The following MRTFA variants were observed in gnomAD, a reference collection of about 807,000 sequenced individuals.
MRTFA encodes the protein myocardin related transcription factor A, also known as myocardin-related transcription factor A.
A neutral mutation model predicts 83.5 loss-of-function variants in MRTFA; 20 were observed. That is an observed-to-expected ratio of 0.24 (90% CI 0.17 to 0.35). The LOEUF (loss-of-function observed/expected upper bound fraction) is 0.35, where lower values mean the gene tolerates loss of function less well. MRTFA is among the 10% of genes least tolerant of loss of function. The pLI is 1.00. For missense variants in MRTFA, 1,200 were observed against 1,224.7 expected, an observed-to-expected ratio of 0.98 and a Z score of 0.30; for synonymous variants, 659 against 541.2, an observed-to-expected ratio of 1.22 and a Z score of -3.02.
chr22:40,570,516 T>G (rs1725285411), intron 2 of MRTFA, among the ~76,000 whole-genome samples: 2 of 134,674 alleles, frequency 1.5e-5, no homozygotes, highest in Admixed American at 8.9e-5. Context: ...AGGTGGAGCT[T>G]GCAGTGAGCT....
intron 5 of MRTFA, 21 bp downstream of exon 5, chr22:40,435,478 G>A: frequency 6.2e-7 from 1 of 1,613,288 alleles, no homozygotes; most frequent in Non-Finnish European, 8.5e-7. Flanking sequence ...GGAGTTCTGA[G>A]GGGGAAAAAA....
intron 14 of MRTFA, chr22:40,412,168 G>GTTA (rs1234062249): frequency 7.2e-5 from 23 of 321,466 alleles, no homozygotes; most frequent in African/African-American, 4.7e-4. Flanking sequence ...CTCAAGAATA[G>GTTA]GTAAAAGAAA....
chr22:40,460,859 A>C (rs558417178), intron 4 of MRTFA, among the ~76,000 whole-genome samples: 4 of 152,196 alleles, frequency 2.6e-5, no homozygotes, highest in Non-Finnish European at 5.9e-5. Context: ...AGTAAACAAA[A>C]AGATTAATTT....
intron 3 of MRTFA, among the ~76,000 whole-genome samples, chr22:40,548,300 C>G (rs970020248): frequency 7.5e-6 from 1 of 132,954 alleles, no homozygotes; most frequent in African/African-American, 2.9e-5. Context: ...CAGAGCTTGC[C>G]GTGAGCCGAG....
chr22:40,527,743 A>G (rs369974958), intron 3 of MRTFA, among the ~76,000 whole-genome samples: 8 of 149,720 alleles, frequency 5.3e-5, no homozygotes, highest in Non-Finnish European at 1.0e-4. Flanking sequence ...TGGGTGACAG[A>G]GCAAGACTCC....
chr22:40,636,173 A>AG (rs2056696093), intron 1 of MRTFA, among the ~76,000 whole-genome samples: 1 of 152,174 alleles, frequency 6.6e-6, no homozygotes, highest in Non-Finnish European at 1.5e-5. Context: ...GGGAGAAGCG[A>AG]GGGCGAGGAC....
intron 4 of MRTFA, among the ~76,000 whole-genome samples, chr22:40,453,013 T>G (rs1191504239): frequency 6.6e-6 from 1 of 151,934 alleles, no homozygotes; most frequent in Non-Finnish European, 1.5e-5. Flanking sequence ...AGAAACACAC[T>G]CTACAACAGC....
chr22:40,534,612 G>T (rs573943277), intron 3 of MRTFA, among the ~76,000 whole-genome samples: 1 of 152,132 alleles, frequency 6.6e-6, no homozygotes, highest in Non-Finnish European at 1.5e-5. Flanking sequence ...AGGCTCAAGC[G>T]ATCTGCCCAC....
At chr22:40,548,977 A>C (rs747213277) in intron 3 of MRTFA, among the ~76,000 whole-genome samples, 6 of 152,190 alleles carry the variant, frequency 3.9e-5, no homozygotes, top group Admixed American at 6.5e-5. Flanking sequence ...TAAGACATTA[A>C]AGAAAACCTA....
intron 1 of MRTFA, among the ~76,000 whole-genome samples, chr22:40,596,231 A>C (rs73169058): frequency 0.1 from 15,410 of 152,190 alleles, 925 homozygotes; most frequent in East Asian, 0.25. Context: ...TATTTAAGAT[A>C]CAACTGAGGC....
chr22:40,511,453 G>A (rs1302576897), intron 3 of MRTFA, among the ~76,000 whole-genome samples: 2 of 152,164 alleles, frequency 1.3e-5, no homozygotes, highest in Non-Finnish European at 1.5e-5. Context: ...CTAGAACTCA[G>A]TAAACAGGTC....
At chr22:40,540,323 T>C (rs1318806589) in intron 3 of MRTFA, among the ~76,000 whole-genome samples, 1 of 152,210 alleles carries the variant, frequency 6.6e-6, no homozygotes, top group Non-Finnish European at 1.5e-5. Context: ...TACCAACTGA[T>C]TGTTATTTCT....
chr22:40,584,117 CA>C (rs1990034509), intron 2 of MRTFA, among the ~76,000 whole-genome samples: 1 of 152,120 alleles, frequency 6.6e-6, no homozygotes, highest in Admixed American at 6.6e-5. Flanking sequence ...GGAAAAAAAT[CA>C]GGATGGCAGA....
chr22:40,615,428 T>TA (rs2056437201), intron 1 of MRTFA, among the ~76,000 whole-genome samples: 1 of 152,236 alleles, frequency 6.6e-6, no homozygotes, highest in African/African-American at 2.4e-5. Flanking sequence ...CTTCCTCTTG[T>TA]AAATTGTTTT....
chr22:40,494,644 G>A (rs1038067946), intron 3 of MRTFA, among the ~76,000 whole-genome samples: 5 of 150,852 alleles, frequency 3.3e-5, no homozygotes, highest in African/African-American at 4.9e-5. Context: ...TCATGCCACT[G>A]CACTCCAGCC....
intron 4 of MRTFA, among the ~76,000 whole-genome samples, chr22:40,446,974 T>C (rs1186308945): frequency 6.6e-6 from 1 of 152,156 alleles, no homozygotes; most frequent in Non-Finnish European, 1.5e-5. Flanking sequence ...AGGCAGTATA[T>C]GCTATGAAGA....
intron 3 of MRTFA, among the ~76,000 whole-genome samples, chr22:40,478,381 C>T (rs1418168649): frequency 6.6e-6 from 1 of 152,116 alleles, no homozygotes; most frequent in Non-Finnish European, 1.5e-5. Flanking sequence ...AAGATGCTAA[C>T]ATTAGGGGCA....
intron 2 of MRTFA, among the ~76,000 whole-genome samples, chr22:40,574,725 T>C (rs2055844855): frequency 6.6e-6 from 1 of 152,142 alleles, no homozygotes. Context: ...TTAGCCACCA[T>C]GCCTGGCTTG....
chr22:40,491,080 C>T (rs528002906), intron 3 of MRTFA, among the ~76,000 whole-genome samples: 36 of 152,282 alleles, frequency 2.4e-4, no homozygotes, highest in African/African-American at 7.5e-4. Context: ...CGGTGGCTCA[C>T]ACCTGTAATC....
Sources: gnomAD v4.1 joint callset for allele counts (sites outside exome capture counted in the v4.1 genomes callset) on GRCh38, gnomAD v4.1.1 for gene constraint, MANE v1.5 for transcripts, NCBI Gene and HGNC (gene_info 2026-07-23, HGNC 2026-07-21) for gene names.